Variants in SPTA1 observed in about 807,000 individuals in gnomAD.
SPTA1 encodes the protein spectrin alpha, erythrocytic 1, also known as spectrin alpha chain, erythrocytic 1.
A neutral mutation model predicts 324.7 loss-of-function variants in SPTA1; 177 were observed. That is an observed-to-expected ratio of 0.55 (90% confidence interval 0.48 to 0.62). The LOEUF (loss-of-function observed/expected upper bound fraction) is 0.62, where lower values mean the gene tolerates loss of function less well. Among genes scored for constraint, SPTA1 ranks in the 20% least tolerant of loss-of-function variants. SPTA1 has a pLI of 0.00. For synonymous variants in SPTA1, 1,195 were observed against 1,041.3 expected (o/e 1.15, Z -2.84); for missense variants, 3,162 against 2,883.6 (o/e 1.10, Z -2.21).
At chr1:158,618,104 T>C (rs1384751102) in intron 45 of SPTA1, 48 bp from the exon 46 acceptor site, 1 of 1,570,572 alleles carries the variant, frequency 6.4e-7, no homozygotes, top group Non-Finnish European at 8.8e-7. Flanking sequence ...AAAAGGGAGA[T>C]GATATGTTAA....
At chr1:158,651,553 G>A in intron 23 of SPTA1, 85 bp from the exon 24 acceptor site, 1 of 881,402 alleles carries the variant, frequency 1.1e-6, no homozygotes, top group Non-Finnish European at 1.9e-6. Flanking sequence ...ATACTTACCT[G>A]TCCATCTCTG....
chr1:158,683,635 C>A (rs1299507855), intron 2 of SPTA1, 139 bp from the exon 3 acceptor site: 33 of 1,118,886 alleles, frequency 2.9e-5, no homozygotes, highest in African/African-American at 4.6e-5. Context: ...CCTGTCCCCA[C>A]TGGCTTTAGG....
intron 33 of SPTA1, among the ~76,000 whole-genome samples, chr1:158,641,040 G>C (rs1376404187): frequency 6.6e-5 from 10 of 152,112 alleles, no homozygotes; most frequent in Admixed American, 3.9e-4. Context: ...ACAAACCTGA[G>C]AAAAACAAGC....
intron 18 of SPTA1, among the ~76,000 whole-genome samples, chr1:158,657,993 T>A (rs1208909106): frequency 6.6e-6 from 1 of 152,088 alleles, no homozygotes; most frequent in Non-Finnish European, 1.5e-5. Flanking sequence ...CATGTCTTCT[T>A]TAGATGAAGC....
In SPTA1 at chr1:158,676,217, C is replaced by G. The variant is rs781053335; in HGVS notation, c.1036G>C (p.Glu346Gln). 2 of 1,613,664 alleles carry G rather than the reference C, an allele frequency of 1.2e-6. No individual in the cohort carries two copies. The highest frequency in any genetic ancestry group is 1.3e-5 in the African/African-American group (1 of 74,896). Residue 346 changes from glutamate (E) to glutamine (Q), a missense_variant, in exon 8 of 52, where the codon GAA becomes CAA. Transcript: ENST00000643759. ...TGCTCCCAGCTGGAGACCAGATCTTCTTTCATCTCCTGGATCTGAGGTGCA... is the reference window on the plus strand; with the variant it reads ...TGCTCCCAGCTGGAGACCAGATCTTGTTTCATCTCCTGGATCTGAGGTGCA... ...SDAPQIQEMK[E>Q]DLVSSWEHIR...
chr1:158,661,597 TTTTATTAATAAA>T lies in SPTA1; in HGVS notation c.2465-200_2465-189del. The T allele has an allele frequency of 1.3e-5, 9 of 698,800 alleles. No homozygotes were observed. In the South Asian group the frequency reaches 1.7e-4, roughly 13 times the overall value. 43.3% of individuals were successfully genotyped at this position (698,800 alleles called of 1,614,324 possible). On this transcript the variant is annotated intron_variant, in intron 17 of 51. Coordinates refer to ENST00000643759, the MANE Select transcript of SPTA1 (RefSeq NM_003126.4). Reference sequence around the variant, plus strand: ...TATCTTTGTTCTTCCCCTGGCCTCTTTTTATTAATAAATTTCAATTCACTGTTATACAACAGA... The same window carrying T: ...TATCTTTGTTCTTCCCCTGGCCTCTTTTTCAATTCACTGTTATACAACAGA...
intron 21 of SPTA1, 133 bp from the exon 22 acceptor site, chr1:158,653,558 G>A (rs915462930): frequency 4.1e-6 from 5 of 1,217,974 alleles, no homozygotes; most frequent in Non-Finnish European, 3.5e-6. Context: ...CTAATGAGTG[G>A]CACATAATTT....
At chr1:158,623,427 T>C (rs1650051197) in intron 42 of SPTA1, among the ~76,000 whole-genome samples, 1 of 152,208 alleles carries the variant, frequency 6.6e-6, no homozygotes, top group Admixed American at 6.5e-5. Context: ...TATGGTTTGG[T>C]TTGACTGTGT....
intron 36 of SPTA1, among the ~76,000 whole-genome samples, chr1:158,637,776 G>A (rs1402726902): frequency 6.6e-6 from 1 of 152,200 alleles, no homozygotes; most frequent in Non-Finnish European, 1.5e-5. Context: ...AGCAAATGCA[G>A]ATGGCTTCTT....
chr1:158,671,444 C>T lies in SPTA1; in HGVS notation c.1498G>A (p.Glu500Lys). ...SWMSRQEAFL[E>K]NEDLGNSLGS... The stretch of plus-strand genomic sequence containing the variant: ...AGTGAGTTTCCCAGATCCTCGTTTT[C>T]CAGGAAGGCCTGTAGAAGACAGAAA... Residue 500 changes from glutamate (E) to lysine (K), a missense_variant, in exon 12 of 52, where the codon GAA becomes AAA. Transcript: ENST00000643759. 1.2e-6 allele frequency: 2 copies of T among 1,612,644 alleles called. No homozygotes were observed. The highest frequency in any genetic ancestry group is 1.7e-6 in the Non-Finnish European group (2 of 1,179,802).
chr1:158,626,611 A>G (rs1320627638), intron 41 of SPTA1, among the ~76,000 whole-genome samples: 5 of 152,104 alleles, frequency 3.3e-5, no homozygotes, highest in African/African-American at 1.2e-4. Flanking sequence ...TACGGTACAT[A>G]ATTACTGCAT....
In SPTA1 at chr1:158,623,073, A is replaced by G. The variant is rs757061837; in HGVS notation, c.6030T>C (p.Tyr2010=). ...GTTCCCAGCGCTTCAGCAGAGCGGC[A>G]TAACGCTCTTCAATGGCTTTAGACT... is the stretch of plus-strand genomic sequence containing the variant. ...HNQSKAIEER[Y]AALLKRWEQL... is the part of the protein sequence containing the mutation. Residue 2010 remains tyrosine (Y), a synonymous_variant, in exon 43 of 52, where the codon TAT becomes TAC. Transcript: ENST00000643759. 1 of 1,614,188 alleles carries G rather than the reference A, an allele frequency of 6.2e-7. No individual in the cohort carries two copies. Among genetic ancestry groups the G allele is most frequent in the Non-Finnish European group, 8.5e-7 (1 of 1,180,032 alleles).
intron 12 of SPTA1, among the ~76,000 whole-genome samples, chr1:158,670,817 A>G (rs911455733): frequency 4.6e-5 from 7 of 152,210 alleles, no homozygotes; most frequent in African/African-American, 1.7e-4. Flanking sequence ...AGTAGACAGT[A>G]CTTAGATATC....
In SPTA1 at chr1:158,666,356, C is replaced by T. The variant is rs1653601184; in HGVS notation, c.2180G>A (p.Arg727Lys). The change falls in exon 16 of 52, where the codon AGG (arginine) becomes AAG (lysine). Residue 727 changes from arginine to lysine, a missense_variant. Arg to Lys is a conservative substitution (Grantham distance 26). Transcript: ENST00000643759. Reference sequence around the variant, plus strand: ...AGCCGACTCCAGGAGGCCGTGTTTCCTGAGTCGATTCTGTACCTCGGCCAG... The same window carrying T: ...AGCCGACTCCAGGAGGCCGTGTTTCTTGAGTCGATTCTGTACCTCGGCCAG... ...KGLAEVQNRL[R>K]KHGLLESAVA... 5 of 1,613,844 alleles carry T rather than the reference C, an allele frequency of 3.1e-6. No individual in the cohort carries two copies. The highest frequency in any genetic ancestry group is 3.3e-5 in the Admixed American group (2 of 59,974).
At chr1:158,616,734 A>G (rs1649578293) in intron 47 of SPTA1, among the ~76,000 whole-genome samples, 1 of 152,126 alleles carries the variant, frequency 6.6e-6, no homozygotes, top group African/African-American at 2.4e-5. Flanking sequence ...GAGGGCAGAT[A>G]TTTCTTTGAT....
chr1:158,627,195 A>T lies in SPTA1; in HGVS notation c.5665-188T>A, dbSNP rs1038844535. ...TTAATGGTCTTTATATAGCAGTTAG[A>T]TCAATGAGGATTTATTAAAAACTAC... On this transcript the variant is annotated intron_variant, in intron 40 of 51. Coordinates refer to ENST00000643759, the MANE Select transcript of SPTA1 (RefSeq NM_003126.4). Among the ~76,000 whole-genome samples the T allele has an allele frequency of 3.3e-5, 5 of 152,166 alleles. No homozygotes were observed. The East Asian group carries it at 9.6e-4, about 29-fold the overall frequency.
intron 33 of SPTA1, 130 bp from the exon 34 acceptor site, chr1:158,640,137 C>T (rs993005031): frequency 1.2e-5 from 13 of 1,097,860 alleles, no homozygotes; most frequent in Non-Finnish European, 1.6e-5. Context: ...GAATATCATA[C>T]ATTTCAAACC....
Position 158,635,964 on chromosome 1 carries a change from A to G in SPTA1, c.5381T>C (p.Leu1794Pro). The change falls in exon 38 of 52, where the codon CTG becomes CCG. Residue 1794 changes from leucine to proline, a missense_variant. Physicochemically the swap from Leu to Pro is moderately conservative, Grantham distance 98. Transcript: ENST00000643759. ...CTCCCAGTGTTCAACAAACTGAGCCAGCCGCAACTGGATCTCCTCTTGCCC... is the reference window on the plus strand; with the variant it reads ...CTCCCAGTGTTCAACAAACTGAGCCGGCCGCAACTGGATCTCCTCTTGCCC... ...AVGQEEIQLR[L>P]AQFVEHWEKL... 3.1e-6 allele frequency: 5 copies of G among 1,614,170 alleles called. No individual in the cohort carries two copies. Among genetic ancestry groups the G allele is most frequent in the Non-Finnish European group, 4.2e-6 (5 of 1,180,012 alleles).
chr1:158,660,412 T>A (rs1462402334), intron 18 of SPTA1, among the ~76,000 whole-genome samples: 2 of 152,106 alleles, frequency 1.3e-5, no homozygotes, highest in African/African-American at 4.8e-5. Flanking sequence ...ACAAAGAATT[T>A]CACCAGGGAT....
Sources: allele counts gnomAD v4.1 joint callset (sites outside exome capture counted in the v4.1 genomes callset), GRCh38; gene constraint gnomAD v4.1.1; transcripts MANE v1.5; gene names NCBI Gene and HGNC (gene_info 2026-07-23, HGNC 2026-07-21).